The following GRM7 variants were observed in gnomAD, a reference collection of about 807,000 sequenced individuals.
The protein encoded by GRM7 is metabotropic glutamate receptor 7.
In GRM7, 35 loss-of-function variants were observed where a neutral mutation model predicts 84.5. The ratio of observed to expected loss-of-function variants is 0.41; its 90% CI spans 0.32 to 0.55. GRM7 has a LOEUF of 0.55. Among genes scored for constraint, GRM7 ranks in the 20% least tolerant of loss-of-function variants. GRM7 has a pLI of 0.19. For missense variants in GRM7, 1,003 were observed against 1,194.6 expected (o/e 0.84, Z 2.36); for synonymous variants, 487 against 455.1 (o/e 1.07, Z -0.89).
intron 5 of GRM7, among the ~76,000 whole-genome samples, chr3:7,434,631 G>A (rs941170053): frequency 6.6e-5 from 10 of 152,024 alleles, no homozygotes; most frequent in Non-Finnish European, 1.5e-4. Flanking sequence ...TGCAGTCCTA[G>A]GATAAACCAT....
intron 8 of GRM7, among the ~76,000 whole-genome samples, chr3:7,656,452 T>C (rs1473951803): frequency 6.6e-6 from 1 of 151,546 alleles, no homozygotes; most frequent in Non-Finnish European, 1.5e-5. Flanking sequence ...GCTGAGATCA[T>C]GCCACTGTAC....
At chr3:7,713,640 C>G (rs944922842) in intron 9 of GRM7, among the ~76,000 whole-genome samples, 1 of 151,862 alleles carries the variant, frequency 6.6e-6, no homozygotes, top group Non-Finnish European at 1.5e-5. Flanking sequence ...AAAATAATAG[C>G]CAGCTCAGAG....
chr3:7,519,251 A>C (rs1575443704), intron 7 of GRM7, among the ~76,000 whole-genome samples: 1 of 151,912 alleles, frequency 6.6e-6, no homozygotes, highest in East Asian at 1.9e-4. Flanking sequence ...AATCCCAGCT[A>C]TTTGGGAGGC....
intron 9 of GRM7, among the ~76,000 whole-genome samples, chr3:7,723,866 T>A (rs1702033824): frequency 6.6e-6 from 1 of 151,994 alleles, no homozygotes; most frequent in Admixed American, 6.6e-5. Flanking sequence ...ATTTTTTTAA[T>A]AAAAAATAAG....
chr3:7,403,058 G>T (rs1173908491), intron 4 of GRM7: 3 of 279,448 alleles, frequency 1.1e-5, no homozygotes, highest in Non-Finnish European at 2.2e-5. Flanking sequence ...ACAAAATGAA[G>T]ATGGTAACCA....
At chr3:7,588,135 A>G (rs1695608075) in intron 8 of GRM7, among the ~76,000 whole-genome samples, 2 of 152,208 alleles carry the variant, frequency 1.3e-5, no homozygotes, top group South Asian at 4.1e-4. Flanking sequence ...TCCGTATACT[A>G]GAAATACTGC....
At chr3:7,267,952 A>G (rs1053432079) in intron 2 of GRM7, among the ~76,000 whole-genome samples, 2 of 152,114 alleles carry the variant, frequency 1.3e-5, no homozygotes, top group Admixed American at 6.5e-5. Flanking sequence ...GTTCAGTTTC[A>G]GAAGGCCCAG....
At chr3:7,667,181 C>G (rs1440757402) in intron 8 of GRM7, among the ~76,000 whole-genome samples, 4 of 151,596 alleles carry the variant, frequency 2.6e-5, no homozygotes, top group Non-Finnish European at 4.4e-5. Context: ...GACAAGAGGA[C>G]TACTTGAGCC....
intron 1 of GRM7, among the ~76,000 whole-genome samples, chr3:7,109,260 G>T (rs193000834): frequency 2.0e-5 from 3 of 152,158 alleles, no homozygotes; most frequent in Admixed American, 2.0e-4. Context: ...CTGTGAATTT[G>T]ATCATCAAGA....
intron 1 of GRM7, among the ~76,000 whole-genome samples, chr3:7,089,169 C>T (rs774763575): frequency 3.3e-5 from 5 of 152,118 alleles, no homozygotes; most frequent in Admixed American, 2.0e-4. Flanking sequence ...AAAGAGCTTG[C>T]ACTGAGTGCC....
At chr3:7,005,453 A>G (rs1695151386) in intron 1 of GRM7, among the ~76,000 whole-genome samples, 2 of 152,356 alleles carry the variant, frequency 1.3e-5, no homozygotes, top group Middle Eastern at 6.8e-3. Flanking sequence ...TAAAGTTCTG[A>G]AAGCCTCTCA....
intron 5 of GRM7, among the ~76,000 whole-genome samples, chr3:7,450,446 TACTC>T (rs1467010574): frequency 1.3e-5 from 2 of 152,144 alleles, no homozygotes; most frequent in African/African-American, 2.4e-5. Context: ...TTCCCCAAAA[TACTC>T]AGGCAGAACA....
At chr3:7,161,900 C>T (rs918051058) in intron 2 of GRM7, among the ~76,000 whole-genome samples, 7 of 152,174 alleles carry the variant, frequency 4.6e-5, no homozygotes, top group African/African-American at 1.7e-4. Flanking sequence ...ATTATATTGG[C>T]AGATCCAGAT....
At chr3:7,209,703 T>TA (rs1184597858) in intron 2 of GRM7, among the ~76,000 whole-genome samples, 1 of 152,078 alleles carries the variant, frequency 6.6e-6, no homozygotes, top group African/African-American at 2.4e-5. Flanking sequence ...AGGAAGGGCT[T>TA]AAAACTGAAG....
At chr3:7,187,907 TC>T (rs1345451985) in intron 2 of GRM7, among the ~76,000 whole-genome samples, 3 of 152,078 alleles carry the variant, frequency 2.0e-5, no homozygotes, top group Non-Finnish European at 4.4e-5. Context: ...TCAGAGTGAG[TC>T]CCACCTCCTA....
chr3:7,692,628 T>C (rs976735261), intron 9 of GRM7, among the ~76,000 whole-genome samples: 2 of 152,196 alleles, frequency 1.3e-5, no homozygotes, highest in Non-Finnish European at 2.9e-5. Flanking sequence ...CTGCAAAGTT[T>C]AGAATGTACT....
intron 9 of GRM7, among the ~76,000 whole-genome samples, chr3:7,702,201 T>TA (rs1355161561): frequency 6.6e-6 from 1 of 152,230 alleles, no homozygotes; most frequent in Non-Finnish European, 1.5e-5. Context: ...CCTTAGTGAT[T>TA]AATGAATAAT....
At chr3:7,377,094 C>T (rs2125124802) in intron 4 of GRM7, among the ~76,000 whole-genome samples, 1 of 152,312 alleles carries the variant, frequency 6.6e-6, no homozygotes, top group South Asian at 2.1e-4. Context: ...ATGTCAGATG[C>T]ACTAACTACT....
intron 9 of GRM7, among the ~76,000 whole-genome samples, chr3:7,732,198 C>G (rs879779633): frequency 6.6e-6 from 1 of 152,150 alleles, no homozygotes; most frequent in Non-Finnish European, 1.5e-5. Context: ...TATGACAATG[C>G]TGTGGTCTTT....
Sources: allele counts gnomAD v4.1 joint callset (sites outside exome capture counted in the v4.1 genomes callset), GRCh38; gene constraint gnomAD v4.1.1; transcripts MANE v1.5; gene names NCBI Gene and HGNC (gene_info 2026-07-23, HGNC 2026-07-21).